The following GABRG1 variants were observed in gnomAD, a reference collection of about 807,000 sequenced individuals.
GABRG1 encodes the protein gamma-aminobutyric acid receptor subunit gamma-1.
A neutral mutation model predicts 49.8 loss-of-function variants in GABRG1; 49 were observed. That is an observed-to-expected ratio of 0.98 (90% CI 0.78 to 1.25). The LOEUF (loss-of-function observed/expected upper bound fraction) is 1.25. GABRG1 is among the 50% of genes most tolerant of loss of function. GABRG1 has a pLI of 0.00. For missense variants in GABRG1, 552 were observed against 552.3 expected (o/e 1.00, Z 0.01); for synonymous variants, 232 against 185.1 (o/e 1.25, Z -2.06).
intron 7 of GABRG1, among the ~76,000 whole-genome samples, chr4:46,052,727 T>C (rs986915200): frequency 6.6e-6 from 1 of 151,956 alleles, no homozygotes; most frequent in South Asian, 2.1e-4. Context: ...GTACTAAACA[T>C]AATGCTAAAT....
chr4:46,047,662 AAT>A (rs1487437904), intron 8 of GABRG1, among the ~76,000 whole-genome samples: 1 of 151,858 alleles, frequency 6.6e-6, no homozygotes, highest in Non-Finnish European at 1.5e-5. Context: ...AAAAAATAAA[AAT>A]ATTGTTATTT....
At chr4:46,053,426 A>G (rs1396363410) in intron 7 of GABRG1, among the ~76,000 whole-genome samples, 1 of 134,444 alleles carries the variant, frequency 7.4e-6, no homozygotes, top group African/African-American at 3.0e-5. Flanking sequence ...ATGAATGAGA[A>G]AACAGTATGG....
intron 1 of GABRG1, among the ~76,000 whole-genome samples, chr4:46,097,980 T>A (rs1463152608): frequency 6.6e-6 from 1 of 151,702 alleles, no homozygotes; most frequent in Non-Finnish European, 1.5e-5. Flanking sequence ...GCACATATAT[T>A]TGGGAGGAGG....
chr4:46,099,341 A>G (rs1720300353), intron 1 of GABRG1, among the ~76,000 whole-genome samples: 1 of 151,638 alleles, frequency 6.6e-6, no homozygotes, highest in Admixed American at 6.6e-5. Context: ...CTGCCAGGTG[A>G]TACTCAGCCA....
At position 46,039,431 on chromosome 4, in the gene GABRG1, C is replaced by A. The variant is rs575703099; in HGVS notation, c.*1557G>T. 1 of 151,520 alleles carries A rather than the reference C, an allele frequency of 6.6e-6. No homozygotes were observed. The allele number at this position is 151,520 out of a possible 1,614,324, so 9.4% of individuals were successfully genotyped here. ...AATACACGTGTATAATCATGCCAGA[C>A]ATTCACTAACCACGCAGCGGAATTA... On this transcript the variant is annotated 3_prime_UTR_variant, in exon 9 of 9. Transcript: ENST00000295452.
At chr4:46,047,249 C>T (rs1002165758) in intron 8 of GABRG1, among the ~76,000 whole-genome samples, 39 of 152,068 alleles carry the variant, frequency 2.6e-4, no homozygotes, top group African/African-American at 8.9e-4. Context: ...CAGCTTGGGA[C>T]GTATGCTAGT....
intron 7 of GABRG1, among the ~76,000 whole-genome samples, chr4:46,057,734 G>A (rs931855070): frequency 3.7e-4 from 57 of 152,134 alleles, no homozygotes; most frequent in African/African-American, 7.9e-4. Context: ...GCCAGGGAGC[G>A]TCTTGTTCCT....
At chr4:46,086,085 G>A (rs1436090357) in intron 2 of GABRG1, among the ~76,000 whole-genome samples, 1 of 151,462 alleles carries the variant, frequency 6.6e-6, no homozygotes, top group Non-Finnish European at 1.5e-5. Context: ...ATATATAAAT[G>A]TGAAGGCAGG....
intron 3 of GABRG1, among the ~76,000 whole-genome samples, chr4:46,066,134 C>T (rs1170297626): frequency 6.6e-6 from 1 of 152,018 alleles, no homozygotes; most frequent in African/African-American, 2.4e-5. Context: ...GAATTTTACT[C>T]AAGATTTTGT....
chr4:46,056,884 A>G (rs886125003), intron 7 of GABRG1, among the ~76,000 whole-genome samples: 3 of 152,126 alleles, frequency 2.0e-5, no homozygotes, highest in Admixed American at 6.6e-5. Flanking sequence ...TGATATGCTA[A>G]TATTGAATAA....
rs1577666276 is a variant in GABRG1, at chr4:46,104,071, T to C, written c.105-6722A>G. 2.0e-5 allele frequency among the ~76,000 whole-genome samples: 3 copies of C among 151,492 alleles called. No homozygotes were observed. The East Asian group carries it at 5.9e-4, about 30-fold the overall frequency. ...TTAAAAAATAAGGAAACTGGAGTTC[T>C]AAACACATAAATGACTTCATTAAGG... is the stretch of plus-strand genomic sequence containing the variant. On this transcript the variant is annotated intron_variant, in intron 1 of 8. Transcript: ENST00000295452.
chr4:46,079,502 G>T (rs565324222), intron 3 of GABRG1, among the ~76,000 whole-genome samples: 1 of 151,836 alleles, frequency 6.6e-6, no homozygotes, highest in Non-Finnish European at 1.5e-5. Context: ...CTGCAGATGC[G>T]AACTGGGATC....
chr4:46,039,953 A>T lies in GABRG1; in HGVS notation c.*1035T>A, dbSNP rs1055812181. 6.6e-6 allele frequency: 1 copy of T among 151,818 alleles called. No homozygotes were observed. The highest frequency in any genetic ancestry group is 2.4e-5 in the African/African-American group (1 of 41,416). 9.4% of individuals were successfully genotyped at this position (151,818 alleles called of 1,614,324 possible). A position where few individuals can be genotyped will look rare whatever the true frequency, so the allele number is the denominator to read the frequency against. On this transcript the variant is annotated 3_prime_UTR_variant, in exon 9 of 9. Transcript: ENST00000295452. ...AGAGGCAATATGTAACGCAGGCCTA[A>T]AACTGTTTTCTGCATATTACTAGTC...
At chr4:46,053,068 AC>A (rs1443779436) in intron 7 of GABRG1, among the ~76,000 whole-genome samples, 1 of 151,960 alleles carries the variant, frequency 6.6e-6, no homozygotes, top group Non-Finnish European at 1.5e-5. Flanking sequence ...TTTAAAAAAA[AC>A]AAACACAGTA....
chr4:46,084,146 T>C (rs947679226), intron 2 of GABRG1, 93 bp from the exon 3 acceptor site: 9 of 672,514 alleles, frequency 1.3e-5, no homozygotes, highest in South Asian at 7.1e-5. Flanking sequence ...TAACTACTTA[T>C]ATATTAACAC....
intron 1 of GABRG1, among the ~76,000 whole-genome samples, chr4:46,109,978 T>C (rs1344162401): frequency 6.6e-6 from 1 of 151,014 alleles, no homozygotes; most frequent in African/African-American, 2.4e-5. Context: ...ATGAGAAAAA[T>C]GTATATTCTC....
intron 1 of GABRG1, among the ~76,000 whole-genome samples, chr4:46,100,594 C>A (rs983896043): frequency 6.6e-6 from 1 of 150,940 alleles, no homozygotes; most frequent in Admixed American, 6.6e-5. Flanking sequence ...TTTTCATTCA[C>A]CTCTAAATTT....
rs537280032 is a variant in GABRG1, at chr4:46,097,494, A to C, written c.105-145T>G. On this transcript the variant is annotated intron_variant, in intron 1 of 8. Coordinates refer to ENST00000295452, the MANE Select transcript of GABRG1 (RefSeq NM_173536.4). ...CACTAACATTACATTTAGTAAGACC[A>C]ATACATTTGTCATACAAAGTGCCCT... 4.1e-5 allele frequency: 28 copies of C among 676,604 alleles called. No homozygotes were observed. The Admixed American group carries it at 5.5e-4, about 13-fold the overall frequency. The allele number at this position is 676,604 out of a possible 1,614,324, so 41.9% of individuals were successfully genotyped here.
At chr4:46,044,924 A>T (rs954016962) in intron 8 of GABRG1, among the ~76,000 whole-genome samples, 3 of 152,100 alleles carry the variant, frequency 2.0e-5, no homozygotes, top group Admixed American at 6.6e-5. Context: ...ATGTCCTAGT[A>T]TTGTGCCATC....
Sources: allele counts gnomAD v4.1 joint callset (sites outside exome capture counted in the v4.1 genomes callset), GRCh38; gene constraint gnomAD v4.1.1; transcripts MANE v1.5; gene names NCBI Gene and HGNC (gene_info 2026-07-23, HGNC 2026-07-21).